The following EPHA4 variants were observed in gnomAD, a reference collection of about 807,000 sequenced individuals.
EPHA4 encodes the protein ephrin type-A receptor 4.
In EPHA4, 19 loss-of-function variants were observed where a neutral mutation model predicts 108.3. The observed-to-expected ratio is 0.18, with a 90% CI of 0.12 to 0.26. The LOEUF is 0.26. EPHA4 is among the 10% of genes least tolerant of loss of function. The pLI is 1.00. For missense variants in EPHA4, 917 were observed against 1,254.0 expected, an observed-to-expected ratio of 0.73 and a Z score of 4.06; for synonymous variants, 449 against 455.5, an observed-to-expected ratio of 0.99 and a Z score of 0.18.
At chr2:221,567,009 G>GAAGAAGAAA (rs750697580) in intron 2 of EPHA4, among the ~76,000 whole-genome samples, 1 of 112,626 alleles carries the variant, frequency 8.9e-6, no homozygotes, top group South Asian at 2.6e-4. Context: ...AGAAGAAGAA[G>GAAGAAGAAA]AAAAAAATGT....
chr2:221,428,207 C>T (rs1032497926), intron 15 of EPHA4, among the ~76,000 whole-genome samples: 11 of 152,094 alleles, frequency 7.2e-5, no homozygotes, highest in African/African-American at 1.7e-4. Context: ...CTCTGAGCAC[C>T]GACAAGGTCA....
intron 4 of EPHA4, among the ~76,000 whole-genome samples, chr2:221,491,574 T>A (rs1692143817): frequency 6.6e-6 from 1 of 152,200 alleles, no homozygotes; most frequent in Non-Finnish European, 1.5e-5. Flanking sequence ...GAGAATTGGA[T>A]AGAAAGTTTC....
chr2:221,506,315 G>A (rs933034141), intron 3 of EPHA4, among the ~76,000 whole-genome samples: 4 of 151,998 alleles, frequency 2.6e-5, no homozygotes, highest in Non-Finnish European at 5.9e-5. Context: ...AATAATATAA[G>A]AAAAAATGAT....
chr2:221,563,834 T>C lies in EPHA4; in HGVS notation c.720A>G (p.Lys240=), dbSNP rs2106208952. ...RGSCVNNSEE[K]DVPKMYCGAD... ...CCCCACAGTACATTTTTGGCACATC[T>C]TTCTCTTCTGAGTTGTTGACACAGG... Residue 240 remains lysine, a synonymous_variant, in exon 3 of 18, where the codon AAA becomes AAG. Transcript: ENST00000281821. 2 of 1,614,218 alleles carry C rather than the reference T, an allele frequency of 1.2e-6. No homozygotes were observed. The highest frequency in any genetic ancestry group is 1.7e-6 in the Non-Finnish European group (2 of 1,180,042).
chr2:221,551,393 T>G (rs1006289448), intron 3 of EPHA4, among the ~76,000 whole-genome samples: 1 of 152,158 alleles, frequency 6.6e-6, no homozygotes, highest in African/African-American at 2.4e-5. Context: ...CAATCCTTTT[T>G]GGGGAGGGGT....
intron 3 of EPHA4, among the ~76,000 whole-genome samples, chr2:221,562,869 G>A (rs1694511713): frequency 6.6e-6 from 1 of 152,044 alleles, no homozygotes; most frequent in Non-Finnish European, 1.5e-5. Flanking sequence ...ATTCTGACAG[G>A]AAGGGGTAAA....
At position 221,426,135 on chromosome 2, in the gene EPHA4, C is replaced by A; in HGVS notation, c.2854G>T (p.Ala952Ser). The A allele has an allele frequency of 6.2e-7, 1 of 1,613,938 alleles. No homozygotes were observed. The highest frequency in any genetic ancestry group is 8.5e-7 in the Non-Finnish European group (1 of 1,179,902). Residue 952 changes from alanine to serine, a missense_variant, in exon 17 of 18, where the codon GCA (alanine) becomes TCA (serine). By Grantham distance (99) the Ala-to-Ser change is moderately conservative. Around this residue, in one of 3 missense-constraint regions of EPHA4, gnomAD observed 133 missense variants for 132.8 expected, o/e 1.00. Coordinates refer to ENST00000281821, the MANE Select transcript of EPHA4 (RefSeq NM_004438.5). ...GTGATGGCTGTGATACCAATTCTTG[C>A]CAGGTCCCTGTACATAGGGCGACAA... is the stretch of plus-strand genomic sequence containing the variant. ...AVVHVNQEDL[A>S]RIGITAITHQ...
chr2:221,496,836 G>A (rs899959678), intron 4 of EPHA4, among the ~76,000 whole-genome samples: 1 of 152,152 alleles, frequency 6.6e-6, no homozygotes, highest in African/African-American at 2.4e-5. Flanking sequence ...TTGAACCCAG[G>A]AGGCAGAGGT....
chr2:221,501,065 G>C lies in EPHA4; in HGVS notation c.931C>G (p.Arg311Gly), dbSNP rs1317445871. 6 of 1,613,066 alleles carry C rather than the reference G, an allele frequency of 3.7e-6. No homozygotes were observed. ...WEGATSCTCD[R>G]GFFRADNDAA... ...TCGTTGTCAGCTCTGAAAAAGCCTC[G>C]GTCACAGGTGCACGAGGTGGCTCCT... is the stretch of plus-strand genomic sequence containing the variant. Residue 311 changes from arginine (R) to glycine (G), a missense_variant, in exon 4 of 18, where the codon CGA (arginine) becomes GGA (glycine). Physicochemically the swap from Arg to Gly is moderately radical, Grantham distance 125. This residue lies in a region of EPHA4 where 758 missense variants were observed against 1,076.7 expected (regional missense o/e 0.70). Transcript: ENST00000281821.
chr2:221,528,919 G>T (rs1044267793), intron 3 of EPHA4, among the ~76,000 whole-genome samples: 6 of 152,094 alleles, frequency 3.9e-5, no homozygotes, highest in African/African-American at 1.4e-4. Flanking sequence ...ACCAGATAAA[G>T]ATCAAAGTGG....
intron 1 of EPHA4, 96 bp downstream of exon 1, chr2:221,572,062 C>T (rs975217528): frequency 1.4e-5 from 14 of 1,018,990 alleles, no homozygotes; most frequent in Non-Finnish European, 2.0e-5. Flanking sequence ...TCACACTGGG[C>T]TCCCCCCGCA....
chr2:221,564,128 A>G lies in EPHA4; in HGVS notation c.426T>C (p.Phe142=), dbSNP rs1259841504. The change falls in exon 3 of 18, where the codon TTT becomes TTC. Residue 142 remains phenylalanine, a synonymous_variant. Coordinates refer to ENST00000281821, the MANE Select transcript of EPHA4 (RefSeq NM_004438.5). ...CAGCAGCAATGGTGTCAATTTTGAC[A>G]AACTGGTTCTCTCTGATGAAACGCT... ...DKERFIRENQ[F]VKIDTIAADE... is the part of the protein sequence containing the mutation. 8 of 1,614,064 alleles carry G rather than the reference A, an allele frequency of 5.0e-6. No individual in the cohort carries two copies. The African/African-American group carries it at 1.1e-4, about 22-fold the overall frequency.
intron 2 of EPHA4, among the ~76,000 whole-genome samples, chr2:221,566,440 T>A (rs1210621060): frequency 6.6e-6 from 1 of 152,156 alleles, no homozygotes; most frequent in African/African-American, 2.4e-5. Context: ...ACCCAATTCA[T>A]TCCTTTGCTC....
chr2:221,550,418 G>GAGAGAGAGAGAGAGAGA lies in EPHA4; in HGVS notation c.823+13312_823+13313insTCTCTCTCTCTCTCTCT, dbSNP rs370058097. Among the ~76,000 whole-genome samples, 196 of 135,632 alleles carry GAGAGAGAGAGAGAGAGA rather than the reference G, an allele frequency of 1.4e-3. 2 individuals carry two copies. The highest frequency in any genetic ancestry group is 7.1e-3 in the East Asian group (31 of 4,352). The allele number at this position is 135,632 out of a possible 152,430, so 89.0% of individuals were successfully genotyped here. A position where few individuals can be genotyped will look rare whatever the true frequency, so the allele number is the denominator to read the frequency against. On this transcript the variant is annotated intron_variant, in intron 3 of 17. Transcript: ENST00000281821. Reference sequence around the variant, plus strand: ...AGTACCAAAACCTGATGAGGAAAGGGGAGAGAGAGAGAGAGAGAGAGAGAG... The same window carrying GAGAGAGAGAGAGAGAGA: ...AGTACCAAAACCTGATGAGGAAAGGGAGAGAGAGAGAGAGAGAGAGAGAGAGAGAGAGAGAGAGAGAG...
At chr2:221,499,509 G>A (rs1234354301) in intron 4 of EPHA4, among the ~76,000 whole-genome samples, 2 of 148,860 alleles carry the variant, frequency 1.3e-5, no homozygotes, top group East Asian at 2.0e-4. Flanking sequence ...AAACTCTGGA[G>A]GTTACAGCAA....
chr2:221,426,660 C>A, intron 15 of EPHA4, 41 bp from the exon 16 acceptor site: 1 of 1,566,468 alleles, frequency 6.4e-7, no homozygotes, highest in South Asian at 1.2e-5. Flanking sequence ...ACGGAGCTAC[C>A]AGTGAGACAA....
chr2:221,499,166 A>G lies in EPHA4; in HGVS notation c.979+1851T>C, dbSNP rs1480183570. Among the ~76,000 whole-genome samples the G allele has an allele frequency of 4.0e-5, 6 of 150,988 alleles. No individual in the cohort carries two copies. The East Asian group carries it at 1.2e-3, about 29-fold the overall frequency. ...TGTTTATGCTTGACTTGGGAGAGCC[A>G]GCAAGAGAATCTCCCAGATTCTCTA... On this transcript the variant is annotated intron_variant, in intron 4 of 17. Coordinates refer to ENST00000281821, the MANE Select transcript of EPHA4 (RefSeq NM_004438.5).
At chr2:221,437,227 G>T in intron 11 of EPHA4, 105 bp from the exon 12 acceptor site, 1 of 770,494 alleles carries the variant, frequency 1.3e-6, no homozygotes, top group Non-Finnish European at 2.1e-6. Context: ...TGTCTTGTGT[G>T]ATCTAATTTA....
chr2:221,501,767 A>G (rs1362199057), intron 3 of EPHA4, among the ~76,000 whole-genome samples: 1 of 152,234 alleles, frequency 6.6e-6, no homozygotes, highest in Non-Finnish European at 1.5e-5. Context: ...AACTACAGAA[A>G]GAACCAAATC....
Sources: gnomAD v4.1 joint callset for allele counts (sites outside exome capture counted in the v4.1 genomes callset) on GRCh38, gnomAD v4.1.1 for gene constraint, gnomAD v4.1.1 regional missense constraint, MANE v1.5 for transcripts, NCBI Gene and HGNC (gene_info 2026-07-23, HGNC 2026-07-21) for gene names.